Variants in GALNT13 observed in about 807,000 individuals in gnomAD.
GALNT13 encodes the protein UDP-GalNAc:polypeptide N-acetylgalactosaminyltransferase 13.
A neutral mutation model predicts 64.2 loss-of-function variants in GALNT13; 28 were observed. That is an observed-to-expected ratio of 0.44 (90% CI 0.32 to 0.60). The LOEUF (loss-of-function observed/expected upper bound fraction) is 0.60. Among genes scored for constraint, GALNT13 ranks in the 20% least tolerant of loss-of-function variants. The probability of loss-of-function intolerance (pLI) is 0.05; values close to 1 mark genes in which losing one functional copy is unlikely to be tolerated. For missense variants in GALNT13, 577 were observed against 669.8 expected (o/e 0.86, Z 1.53); for synonymous variants, 214 against 224.6 (o/e 0.95, Z 0.42).
the GALNT13 span, among the ~76,000 whole-genome samples, chr2:153,820,731 CAAAAT>C: frequency 4.6e-5 from 7 of 152,022 alleles, no homozygotes; most frequent in East Asian, 1.4e-3. Context: ...AACATAAAAA[CAAAAT>C]AATAATACCT....
the GALNT13 span, among the ~76,000 whole-genome samples, chr2:153,479,259 C>A: frequency 7.9e-5 from 12 of 152,116 alleles, no homozygotes; most frequent in East Asian, 2.1e-3. Flanking sequence ...GACTCGCCTG[C>A]GTTGGATTTC....
At chr2:153,107,573 CAAAACAAT>C in the GALNT13 span, among the ~76,000 whole-genome samples, 1 of 151,876 alleles carries the variant, frequency 6.6e-6, no homozygotes, top group Admixed American at 6.6e-5. Context: ...ACATCTGAAC[CAAAACAAT>C]AAAGTAGATT....
chr2:153,462,926 G>T, the GALNT13 span, among the ~76,000 whole-genome samples: 1 of 152,080 alleles, frequency 6.6e-6, no homozygotes, highest in Non-Finnish European at 1.5e-5. Flanking sequence ...ATTCTGGAAA[G>T]ATTTTGCAGA....
the GALNT13 span, among the ~76,000 whole-genome samples, chr2:153,400,805 T>C: frequency 2.0e-5 from 3 of 152,156 alleles, no homozygotes; most frequent in East Asian, 5.8e-4. Context: ...GTCTATTTGA[T>C]TCTTCTCTCT....
intron 8 of GALNT13, among the ~76,000 whole-genome samples, chr2:154,259,368 A>G (rs1573970082): frequency 6.6e-6 from 1 of 152,182 alleles, no homozygotes; most frequent in Non-Finnish European, 1.5e-5. Flanking sequence ...GTTTTTATTC[A>G]CAGTAAAAAT....
chr2:153,625,982 T>A, the GALNT13 span, among the ~76,000 whole-genome samples: 8 of 152,252 alleles, frequency 5.3e-5, 1 homozygote, highest in South Asian at 1.7e-3. Flanking sequence ...TTCACACACT[T>A]GTTACTAGTT....
chr2:154,358,754 T>G (rs759270712), intron 9 of GALNT13, among the ~76,000 whole-genome samples: 1 of 152,128 alleles, frequency 6.6e-6, no homozygotes, highest in Non-Finnish European at 1.5e-5. Context: ...TTCCAATGTT[T>G]ACGCTGCTAA....
intron 3 of GALNT13, among the ~76,000 whole-genome samples, chr2:154,095,964 G>T (rs1394025188): frequency 6.6e-6 from 1 of 151,878 alleles, no homozygotes; most frequent in Non-Finnish European, 1.5e-5. Flanking sequence ...TGGTCTTGTG[G>T]TCTTATTAGC....
intron 3 of GALNT13, among the ~76,000 whole-genome samples, chr2:154,124,596 T>C (rs72871840): frequency 0.072 from 10,917 of 152,078 alleles, 472 homozygotes; most frequent in Middle Eastern, 0.14. Flanking sequence ...AATTAGAAAG[T>C]AGTAAAATAT....
the GALNT13 span, among the ~76,000 whole-genome samples, chr2:153,316,432 G>C: frequency 6.6e-6 from 1 of 151,728 alleles, no homozygotes; most frequent in African/African-American, 2.4e-5. Context: ...CATGAGGTCA[G>C]GAGATCGAGA....
the GALNT13 span, among the ~76,000 whole-genome samples, chr2:153,852,661 T>G: frequency 6.6e-6 from 1 of 152,178 alleles, no homozygotes; most frequent in African/African-American, 2.4e-5. Context: ...TGGCTTAAAA[T>G]TTATCAAACA....
the GALNT13 span, among the ~76,000 whole-genome samples, chr2:153,470,342 C>G: frequency 6.6e-6 from 1 of 152,136 alleles, no homozygotes; most frequent in African/African-American, 2.4e-5. Context: ...TCTCTCTCCT[C>G]TCACCAGAAG....
Position 153,892,618 on chromosome 2 carries a change from G to A in GALNT13, c.-176-8318G>A, listed in dbSNP as rs528345371. Among the ~76,000 whole-genome samples, 21 of 152,054 alleles carry A rather than the reference G, an allele frequency of 1.4e-4. No homozygotes were observed. The South Asian group carries it at 1.9e-3, about 14-fold the overall frequency. On this transcript the variant is annotated intron_variant, in intron 1 of 12. Transcript: ENST00000392825. The stretch of plus-strand genomic sequence containing the variant: ...TCTAGAAATTTATTTTTACAGTGTA[G>A]TATAAGCTCTCCTGGTACTGTTAAA...
the GALNT13 span, among the ~76,000 whole-genome samples, chr2:153,093,237 T>TTTG: frequency 3.0e-5 from 1 of 33,534 alleles, no homozygotes; most frequent in African/African-American, 7.0e-5. Context: ...TTTTCTTTTC[T>TTTG]TTTCTTTTTT....
chr2:153,693,671 G>A, the GALNT13 span, among the ~76,000 whole-genome samples: 2 of 152,062 alleles, frequency 1.3e-5, no homozygotes, highest in Non-Finnish European at 1.5e-5. Context: ...AGGGGAGAGA[G>A]AGTACGTGAT....
intron 4 of GALNT13, among the ~76,000 whole-genome samples, chr2:154,229,082 A>T (rs1688777726): frequency 6.6e-6 from 1 of 151,802 alleles, no homozygotes; most frequent in African/African-American, 2.4e-5. Flanking sequence ...GCTGTTCTTA[A>T]TGTAGTGTTT....
At chr2:154,008,225 A>C (rs1696391388) in intron 3 of GALNT13, among the ~76,000 whole-genome samples, 1 of 152,138 alleles carries the variant, frequency 6.6e-6, no homozygotes, top group African/African-American at 2.4e-5. Context: ...GCTTTTGCCC[A>C]TTCAATATGA....
rs1430778339 is a variant in GALNT13 at position 154,361,741 on chromosome 2, CT to C, written c.1157-34247del. 2.6e-5 allele frequency among the ~76,000 whole-genome samples: 4 copies of C among 152,112 alleles called. No homozygotes were observed. The East Asian group carries it at 7.7e-4, about 29-fold the overall frequency. ...AATCATATCCACTTAATTTCTGGGC[CT>C]TTGAATGTCAAAAACTAGGCCTGTG... On this transcript the variant is annotated intron_variant, in intron 9 of 12. Coordinates refer to ENST00000392825, the MANE Select transcript of GALNT13 (RefSeq NM_052917.4).
chr2:153,086,443 C>CG, the GALNT13 span, among the ~76,000 whole-genome samples: 2 of 152,012 alleles, frequency 1.3e-5, no homozygotes, highest in Admixed American at 6.6e-5. Flanking sequence ...ATAATTGAAT[C>CG]GGGGGGCTGT....
Sources: gnomAD v4.1 joint callset for allele counts (sites outside exome capture counted in the v4.1 genomes callset) on GRCh38, gnomAD v4.1.1 for gene constraint, MANE v1.5 for transcripts, NCBI Gene and HGNC (gene_info 2026-07-23, HGNC 2026-07-21) for gene names.